DMD: variants seen among roughly 807,000 people sequenced by gnomAD.
DMD encodes the protein mutant dystrophin.
In DMD, 63 loss-of-function variants were observed where a neutral mutation model predicts 330.1. The observed-to-expected ratio is 0.19, with a 90% CI of 0.16 to 0.24. The LOEUF is 0.24. Ranked by LOEUF, DMD falls within the 10% of genes least tolerant of loss-of-function variation. The pLI is 1.00. For missense variants in DMD, 3,344 were observed against 2,684.1 expected (o/e 1.25, Z -5.43); for synonymous variants, 1,223 against 959.8 (o/e 1.27, Z -5.07).
chrX:32,115,540 G>T (rs1438620912), intron 44 of DMD, among the ~76,000 whole-genome samples: 1 of 111,278 alleles, frequency 9.0e-6, no homozygotes, highest in African/African-American at 3.3e-5. Context: ...ACTGTGTCCG[G>T]CCAACTCTTA....
intron 44 of DMD, among the ~76,000 whole-genome samples, chrX:32,166,348 T>C: frequency 1.8e-5 from 2 of 110,662 alleles, no homozygotes; most frequent in Middle Eastern, 9.2e-3. Flanking sequence ...ACCTGGCTAC[T>C]TGGGAGGCTG....
chrX:33,271,417 G>C lies in DMD; in HGVS notation c.7+67842C>G, dbSNP rs369909581. Among the ~76,000 whole-genome samples the C allele has an allele frequency of 4.5e-5, 5 of 109,928 alleles. No individual in the cohort carries two copies. In the East Asian group the frequency reaches 1.2e-3, roughly 25 times the overall value. On this transcript the variant is annotated intron_variant, in intron 1 of 17. Transcript: ENST00000288447. ...AAGCACTGTTAGCAATTATCTATCT[G>C]TCTATCCTAGAATCTCCACTCTGAA... is the stretch of plus-strand genomic sequence containing the variant.
chrX:31,870,840 C>A (rs1161320815), intron 48 of DMD, among the ~76,000 whole-genome samples: 1 of 111,420 alleles, frequency 9.0e-6, no homozygotes, highest in East Asian at 2.8e-4. Flanking sequence ...GAGGAAAAAA[C>A]CCCCTCCCTG....
intron 42 of DMD, among the ~76,000 whole-genome samples, chrX:32,306,593 A>G (rs764264031): frequency 1.4e-4 from 16 of 111,438 alleles, no homozygotes; most frequent in Admixed American, 1.3e-3. Flanking sequence ...TTGATGAGAC[A>G]ACTGAAATGA....
chrX:33,300,381 A>G (rs1055194937), intron 1 of DMD, among the ~76,000 whole-genome samples: 14 of 112,406 alleles, frequency 1.2e-4, no homozygotes, highest in African/African-American at 4.2e-4. Flanking sequence ...ACCCATGTCA[A>G]TATGATCAGG....
intron 9 of DMD, among the ~76,000 whole-genome samples, chrX:32,664,017 A>AT (rs2061121433): frequency 9.0e-6 from 1 of 111,401 alleles, no homozygotes; most frequent in Non-Finnish European, 1.9e-5. Flanking sequence ...CTGGCAAGGC[A>AT]TGGGAAGGTT....
chrX:32,700,327 AC>A (rs1268415405), intron 7 of DMD, among the ~76,000 whole-genome samples: 1 of 111,406 alleles, frequency 9.0e-6, no homozygotes, highest in African/African-American at 3.3e-5. Context: ...AAAGATAAGT[AC>A]CACATGATCT....
intron 2 of DMD, among the ~76,000 whole-genome samples, chrX:32,919,380 A>T (rs777553512): frequency 9.7e-4 from 109 of 112,233 alleles, no homozygotes; most frequent in African/African-American, 3.4e-3. Context: ...CCTAGGAAGT[A>T]TTACTTTTCA....
intron 47 of DMD, among the ~76,000 whole-genome samples, chrX:31,927,062 C>G (rs749452937): frequency 7.1e-5 from 8 of 111,990 alleles, no homozygotes; most frequent in African/African-American, 2.6e-4. Context: ...TTACCTAAAT[C>G]TGGTACTGAT....
intron 1 of DMD, among the ~76,000 whole-genome samples, chrX:33,057,710 A>G (rs188411585): frequency 8.9e-6 from 1 of 111,978 alleles, no homozygotes; most frequent in East Asian, 2.8e-4. Flanking sequence ...CTGAATCATT[A>G]TAGATAACTT....
At chrX:32,578,637 G>A (rs1006423601) in intron 13 of DMD, among the ~76,000 whole-genome samples, 1 of 112,135 alleles carries the variant, frequency 8.9e-6, no homozygotes, top group African/African-American at 3.2e-5. Flanking sequence ...AAAGGTAACT[G>A]AGGAAAATCT....
At chrX:32,443,436 C>T (rs1354076296) in intron 27 of DMD, among the ~76,000 whole-genome samples, 2 of 111,216 alleles carry the variant, frequency 1.8e-5, no homozygotes, top group African/African-American at 6.5e-5. Context: ...TCATTTCCAG[C>T]TCCTGCTGGA....
At chrX:32,808,201 A>C (rs765071129) in intron 7 of DMD, among the ~76,000 whole-genome samples, 1 of 111,894 alleles carries the variant, frequency 8.9e-6, no homozygotes, top group East Asian at 2.8e-4. Context: ...GTATAGAAGC[A>C]ATAAAAAGGG....
intron 47 of DMD, among the ~76,000 whole-genome samples, chrX:31,907,910 G>C (rs1183088478): frequency 2.7e-5 from 3 of 112,438 alleles, no homozygotes; most frequent in African/African-American, 9.7e-5. Flanking sequence ...CCAAGGATAG[G>C]AACAGACACT....
In DMD at chrX:32,761,651, G is replaced by A. The variant is rs189873606; in HGVS notation, c.649+47842C>T. 6.3e-5 allele frequency among the ~76,000 whole-genome samples: 7 copies of A among 111,527 alleles called. No homozygotes were observed. In the East Asian group the frequency reaches 1.7e-3, roughly 27 times the overall value. ...GCAGCTCCAGACTGAACAGTAATGT[G>A]CCCGCTTTGAGGGAGGAGAGTAGCA... is the stretch of plus-strand genomic sequence containing the variant. On this transcript the variant is annotated intron_variant, in intron 7 of 78. Transcript: ENST00000357033.
At chrX:31,166,453 T>G (rs746380200) in intron 74 of DMD, among the ~76,000 whole-genome samples, 51 of 111,621 alleles carry the variant, frequency 4.6e-4, no homozygotes, top group Middle Eastern at 9.2e-3. Context: ...TAAGTACACA[T>G]CCAAAGGACT....
intron 62 of DMD, among the ~76,000 whole-genome samples, chrX:31,315,636 G>A (rs1320517180): frequency 8.9e-6 from 1 of 112,318 alleles, no homozygotes; most frequent in East Asian, 2.8e-4. Flanking sequence ...TGCCACGAAT[G>A]AGGCAGGGAA....
intron 50 of DMD, among the ~76,000 whole-genome samples, chrX:31,782,550 C>T (rs1180187623): frequency 7.3e-5 from 8 of 109,491 alleles, no homozygotes; most frequent in South Asian, 4.0e-4. Flanking sequence ...GCAAAAGAAT[C>T]GCCTCGATGA....
intron 55 of DMD, among the ~76,000 whole-genome samples, chrX:31,569,042 T>C (rs1169195411): frequency 9.0e-6 from 1 of 111,620 alleles, no homozygotes; most frequent in Non-Finnish European, 1.9e-5. Context: ...GTATGTCTTC[T>C]TTTAAAATAT....
Sources: gnomAD v4.1 joint callset for allele counts (sites outside exome capture counted in the v4.1 genomes callset) on GRCh38, gnomAD v4.1.1 for gene constraint, MANE v1.5 for transcripts, NCBI Gene and HGNC (gene_info 2026-07-23, HGNC 2026-07-21) for gene names.